Variants in CRMP1 observed in about 807,000 individuals in gnomAD.
CRMP1 encodes the protein dihydropyrimidinase-related protein 1.
CRMP1 carries 19 observed loss-of-function variants against 68.3 expected under a neutral mutation model. The ratio of observed to expected loss-of-function variants is 0.28; its 90% CI spans 0.19 to 0.41. CRMP1 has a LOEUF of 0.41. Among genes scored for constraint, CRMP1 ranks in the 10% least tolerant of loss-of-function variants. The probability of loss-of-function intolerance (pLI) is 1.00; values close to 1 mark genes in which losing one functional copy is unlikely to be tolerated. For synonymous variants in CRMP1, 439 were observed against 399.6 expected (o/e 1.10, Z -1.18); for missense variants, 791 against 967.4 (o/e 0.82, Z 2.42).
At chr4:5,839,975 T>C (rs960565958) in intron 8 of CRMP1, among the ~76,000 whole-genome samples, 3 of 152,238 alleles carry the variant, frequency 2.0e-5, no homozygotes, top group African/African-American at 7.2e-5. Flanking sequence ...TATGTCCTTT[T>C]ATAGATTTGT....
In CRMP1 at chr4:5,872,642, G is replaced by C. The variant is rs906296706; in HGVS notation, c.382-5886C>G. On this transcript the variant is annotated intron_variant, in intron 1 of 13. Coordinates refer to ENST00000324989, the MANE Select transcript of CRMP1 (RefSeq NM_001014809.3). The surrounding 1 kb of genome is among the most constrained non-coding windows in gnomAD (Gnocchi z 4.6). ...GCGGAGGTTGCAGTGAGCTGAGATCGCACCGCTGCAGTCCAGCCTGGGCAA... is the reference window on the plus strand; with the variant it reads ...GCGGAGGTTGCAGTGAGCTGAGATCCCACCGCTGCAGTCCAGCCTGGGCAA... Among the ~76,000 whole-genome samples, 3 of 152,266 alleles carry C rather than the reference G, an allele frequency of 2.0e-5. No homozygotes were observed. In the South Asian group the frequency reaches 6.2e-4, roughly 32 times the overall value.
intron 13 of CRMP1, chr4:5,824,253 G>T (rs1719168748): frequency 1.0e-6 from 1 of 979,954 alleles, no homozygotes; most frequent in African/African-American, 1.7e-5. Context: ...CCAGGATGAA[G>T]CCAATCCCTG....
intron 9 of CRMP1, 142 bp downstream of exon 9, chr4:5,839,380 A>G: frequency 9.8e-7 from 1 of 1,024,626 alleles, no homozygotes; most frequent in Non-Finnish European, 1.4e-6. Context: ...TGTAAGCCAT[A>G]TGAGCGCAGT....
rs912773587 is a variant in CRMP1, at chr4:5,892,166, C to G, written c.381+423G>C. On this transcript the variant is annotated intron_variant, in intron 1 of 13. Transcript: ENST00000324989. The surrounding 1 kb of genome is among the most constrained non-coding windows in gnomAD (Gnocchi z 8.6). The stretch of plus-strand genomic sequence containing the variant: ...ACAGTAGGTGCTCTATAATTACTAC[C>G]GACTGAGTGGATGGATGAATGGACC... Among the ~76,000 whole-genome samples, 1 of 152,204 alleles carries G rather than the reference C, an allele frequency of 6.6e-6. No homozygotes were observed. Among genetic ancestry groups the G allele is most frequent in the Non-Finnish European group, 1.5e-5 (1 of 68,002 alleles).
intron 6 of CRMP1, among the ~76,000 whole-genome samples, chr4:5,844,210 G>A (rs1189586307): frequency 2.0e-5 from 3 of 152,144 alleles, no homozygotes. Flanking sequence ...GTAAACAATG[G>A]AATAATTTCA....
At position 5,872,629 on chromosome 4, in the gene CRMP1, G is replaced by A. The variant is rs890107225; in HGVS notation, c.382-5873C>T. On this transcript the variant is annotated intron_variant, in intron 1 of 13. Coordinates refer to ENST00000324989, the MANE Select transcript of CRMP1 (RefSeq NM_001014809.3). The surrounding 1 kb of genome is among the most constrained non-coding windows in gnomAD (Gnocchi z 4.6). ...TTGAACCCAGGAGGCGGAGGTTGCA[G>A]TGAGCTGAGATCGCACCGCTGCAGT... Among the ~76,000 whole-genome samples, 2 of 152,232 alleles carry A rather than the reference G, an allele frequency of 1.3e-5. No homozygotes were observed. The highest frequency in any genetic ancestry group is 2.9e-5 in the Non-Finnish European group (2 of 68,036).
intron 2 of CRMP1, among the ~76,000 whole-genome samples, chr4:5,864,295 C>A (rs141161983): frequency 6.6e-6 from 1 of 152,142 alleles, no homozygotes; most frequent in African/African-American, 2.4e-5. Flanking sequence ...TTCTCAGGGT[C>A]ATTTTACCTT....
rs553627242 is a variant in CRMP1, at chr4:5,881,396, A to T, written c.381+11193T>A. ...CTCAGGACATACTTTCAAATCATATAAAATTTTGCAGCATTCTTGAAGGAT... is the reference window on the plus strand; with the variant it reads ...CTCAGGACATACTTTCAAATCATATTAAATTTTGCAGCATTCTTGAAGGAT... On this transcript the variant is annotated intron_variant, in intron 1 of 13. Transcript: ENST00000324989. The surrounding 1 kb of genome is among the most constrained non-coding windows in gnomAD (Gnocchi z 4.6). Among the ~76,000 whole-genome samples the T allele has an allele frequency of 1.8e-4, 27 of 152,334 alleles. No individual in the cohort carries two copies. The South Asian group carries it at 5.4e-3, about 30-fold the overall frequency.
intron 6 of CRMP1, among the ~76,000 whole-genome samples, chr4:5,844,579 G>T (rs576226414): frequency 6.6e-6 from 1 of 152,194 alleles, no homozygotes; most frequent in South Asian, 2.1e-4. Context: ...CAGGAACCAA[G>T]AAACTACAGA....
chr4:5,825,951 T>TGCATGCACATGCAGTCATGCACACACAG lies in CRMP1; in HGVS notation c.1804-293_1804-292insCTGTGTGTGCATGACTGCATGTGCATGC. 4.5e-6 allele frequency: 2 copies of TGCATGCACATGCAGTCATGCACACACAG among 448,462 alleles called. No individual in the cohort carries two copies. Among genetic ancestry groups the TGCATGCACATGCAGTCATGCACACACAG allele is most frequent in the Non-Finnish European group, 7.9e-6 (2 of 252,872 alleles). 27.8% of individuals were successfully genotyped at this position (448,462 alleles called of 1,614,324 possible). A position where few individuals can be genotyped will look rare whatever the true frequency, so the allele number is the denominator to read the frequency against. On this transcript the variant is annotated intron_variant, in intron 12 of 13. Coordinates refer to ENST00000324989, the MANE Select transcript of CRMP1 (RefSeq NM_001014809.3). This position sits in a 1 kb window ranked among gnomAD's most constrained non-coding sequence, Gnocchi z 4.4. ...ACATACATGCAGTCATGCACACATA[T>TGCATGCACATGCAGTCATGCACACACAG]ATGCATGCACATGCAGTAACAAAAC... is the stretch of plus-strand genomic sequence containing the variant.
intron 1 of CRMP1, among the ~76,000 whole-genome samples, chr4:5,886,800 GC>G (rs1454567762): frequency 6.6e-6 from 1 of 152,212 alleles, no homozygotes; most frequent in Non-Finnish European, 1.5e-5. Flanking sequence ...TTCTCACATT[GC>G]CCAGGAGGAA....
At chr4:5,885,418 C>T (rs1349203021) in intron 1 of CRMP1, among the ~76,000 whole-genome samples, 5 of 152,224 alleles carry the variant, frequency 3.3e-5, no homozygotes, top group Admixed American at 3.3e-4. Context: ...ATGAACCACA[C>T]TTGATCCTTT....
chr4:5,828,984 A>G (rs916539019), intron 11 of CRMP1, among the ~76,000 whole-genome samples: 1 of 152,266 alleles, frequency 6.6e-6, no homozygotes, highest in East Asian at 1.9e-4. Context: ...ACATAAAAAT[A>G]AGTAAAATGT....
At chr4:5,833,801 T>C (rs560923086) in intron 11 of CRMP1, among the ~76,000 whole-genome samples, 17 of 152,192 alleles carry the variant, frequency 1.1e-4, no homozygotes, top group African/African-American at 3.1e-4. Flanking sequence ...TCCCAGCACT[T>C]TGGGAGGCCC....
intron 4 of CRMP1, among the ~76,000 whole-genome samples, chr4:5,851,730 A>AAAGAGGAGGAGGAGG (rs1712636957): frequency 6.7e-6 from 1 of 149,130 alleles, no homozygotes; most frequent in African/African-American, 2.5e-5. Context: ...GGAGAAGGAG[A>AAAGAGGAGGAGGAGG]AAGAGGAGGA....
At position 5,888,528 on chromosome 4, in the gene CRMP1, G is replaced by A. The variant is rs1242904328; in HGVS notation, c.381+4061C>T. ...GAGGGAGAGGCGAGGGCGGGAGGAGGGGGCTGCAGACAGCTCCTCCCGGCG... is the reference window on the plus strand; with the variant it reads ...GAGGGAGAGGCGAGGGCGGGAGGAGAGGGCTGCAGACAGCTCCTCCCGGCG... On this transcript the variant is annotated intron_variant, in intron 1 of 13. Transcript: ENST00000324989. The surrounding 1 kb of genome is among the most constrained non-coding windows in gnomAD (Gnocchi z 6.4). The A allele has an allele frequency of 9.8e-5, 115 of 1,177,766 alleles. No individual in the cohort carries two copies. The highest frequency in any genetic ancestry group is 1.2e-4 in the Non-Finnish European group (112 of 953,518). The allele number at this position is 1,177,766 out of a possible 1,614,324, so 73.0% of individuals were successfully genotyped here.
At chr4:5,824,723 G>C in intron 13 of CRMP1, 1 of 984,656 alleles carries the variant, frequency 1.0e-6, no homozygotes, top group Non-Finnish European at 1.2e-6. Flanking sequence ...TTACTATCCG[G>C]CCTTCTAAGA....
chr4:5,829,031 T>A (rs774401417), intron 11 of CRMP1, among the ~76,000 whole-genome samples: 8 of 150,134 alleles, frequency 5.3e-5, no homozygotes, highest in Non-Finnish European at 8.9e-5. Flanking sequence ...TAAATAAAAT[T>A]TTTTTCTCTA....
In CRMP1 at chr4:5,879,078, G is replaced by A. The variant is rs780034625; in HGVS notation, c.382-12322C>T. Among the ~76,000 whole-genome samples, 9 of 152,000 alleles carry A rather than the reference G, an allele frequency of 5.9e-5. No individual in the cohort carries two copies. The highest frequency in any genetic ancestry group is 3.9e-4 in the East Asian group (2 of 5,178). On this transcript the variant is annotated intron_variant, in intron 1 of 13. Coordinates refer to ENST00000324989, the MANE Select transcript of CRMP1 (RefSeq NM_001014809.3). The surrounding 1 kb of genome is among the most constrained non-coding windows in gnomAD (Gnocchi z 4.2). ...TGAAATGCAAATCCAACCATGCCTC[G>A]CTTCTCCTCAAAATCCTTCACCAGC...
Sources: allele counts gnomAD v4.1 joint callset (sites outside exome capture counted in the v4.1 genomes callset), GRCh38; gene constraint gnomAD v4.1.1; non-coding constraint Gnocchi (gnomAD v3.1); transcripts MANE v1.5; gene names NCBI Gene and HGNC (gene_info 2026-07-23, HGNC 2026-07-21).